TMEM132B: variants seen among roughly 807,000 people sequenced by gnomAD.
TMEM132B encodes the protein transmembrane protein 132B.
Under a neutral mutation model 90.8 loss-of-function variants are expected in TMEM132B, and 18 were observed. The observed-to-expected ratio is 0.20, with a 90% confidence interval of 0.14 to 0.29. TMEM132B has a LOEUF of 0.29. Among genes scored for constraint, TMEM132B ranks in the 10% least tolerant of loss-of-function variants. The pLI is 1.00. For missense variants in TMEM132B, 1,096 were observed against 1,326.8 expected (o/e 0.83, Z 2.70); for synonymous variants, 504 against 523.3 (o/e 0.96, Z 0.50).
chr12:125,317,796 T>C (rs1876324778), intron 1 of TMEM132B, among the ~76,000 whole-genome samples: 1 of 152,172 alleles, frequency 6.6e-6, no homozygotes, highest in South Asian at 2.1e-4. Flanking sequence ...CTCTCAGTGG[T>C]TCTCTTCATC....
At chr12:125,189,222 C>T (rs1246304302) in intron 1 of TMEM132B, among the ~76,000 whole-genome samples, 1 of 152,172 alleles carries the variant, frequency 6.6e-6, no homozygotes, top group Non-Finnish European at 1.5e-5. Context: ...AGCACAAATC[C>T]CCCAGCTTAG....
chr12:125,610,459 G>A (rs1213099066), intron 5 of TMEM132B, among the ~76,000 whole-genome samples: 1 of 152,096 alleles, frequency 6.6e-6, no homozygotes, highest in Admixed American at 6.6e-5. Flanking sequence ...ACATGGACTG[G>A]TTGTATATTT....
intron 1 of TMEM132B, among the ~76,000 whole-genome samples, chr12:125,225,824 A>G (rs1275353355): frequency 6.6e-6 from 1 of 152,174 alleles, no homozygotes. Flanking sequence ...CTTGCGTTCC[A>G]TTAATTCAGG....
intron 1 of TMEM132B, among the ~76,000 whole-genome samples, chr12:125,197,147 C>CTCCTCCCACCCT (rs1872942540): frequency 1.3e-5 from 2 of 151,972 alleles, no homozygotes; most frequent in Admixed American, 6.5e-5. Context: ...GATTCTCTCC[C>CTCCTCCCACCCT]GCCTCCCACC....
chr12:125,617,421 C>T (rs1886014883), intron 5 of TMEM132B, among the ~76,000 whole-genome samples: 1 of 151,496 alleles, frequency 6.6e-6, no homozygotes, highest in African/African-American at 2.4e-5. Flanking sequence ...TCTCGGCTCA[C>T]CACAACCTCC....
intron 4 of TMEM132B, among the ~76,000 whole-genome samples, chr12:125,579,602 T>A (rs570216666): frequency 1.3e-5 from 2 of 152,228 alleles, no homozygotes; most frequent in Non-Finnish European, 2.9e-5. Context: ...GACCTCATGA[T>A]CTACCTGTGT....
chr12:125,344,249 T>G (rs1220314401), intron 1 of TMEM132B, among the ~76,000 whole-genome samples: 4 of 152,166 alleles, frequency 2.6e-5, no homozygotes, highest in Non-Finnish European at 5.9e-5. Context: ...GGAAAACAAA[T>G]CACTCTAGTT....
intron 5 of TMEM132B, among the ~76,000 whole-genome samples, chr12:125,606,220 A>T (rs778025894): frequency 6.6e-6 from 1 of 152,190 alleles, no homozygotes; most frequent in South Asian, 2.1e-4. Context: ...ATGACTCTCC[A>T]TGAGTTAAAA....
intron 2 of TMEM132B, among the ~76,000 whole-genome samples, chr12:125,382,525 G>A (rs1314432622): frequency 6.6e-6 from 1 of 152,136 alleles, no homozygotes; most frequent in Admixed American, 6.5e-5. Flanking sequence ...TTATGACCTT[G>A]CTTGAGCCAC....
Position 125,654,425 on chromosome 12 carries a change from T to G in TMEM132B, c.2967T>G (p.Leu989=). ...TGCAGTTCGAGGAGAGGAACTTCCT[T>G]CTGAATGGCAGTTCCCAGAAGACTT... is the stretch of plus-strand genomic sequence containing the variant. ...RGLQFEERNF[L]LNGSSQKTFH... Residue 989 remains leucine (L), a synonymous_variant, in exon 9 of 9, where the codon CTT becomes CTG. Coordinates refer to ENST00000682704, the MANE Select transcript of TMEM132B (RefSeq NM_001366854.1). The surrounding 1 kb of genome is among the most constrained non-coding windows in gnomAD (Gnocchi z 5.8). 1 of 1,613,582 alleles carries G rather than the reference T, an allele frequency of 6.2e-7. No homozygotes were observed. The highest frequency in any genetic ancestry group is 1.3e-5 in the African/African-American group (1 of 75,026).
At chr12:125,207,786 T>C (rs1873217264) in intron 1 of TMEM132B, among the ~76,000 whole-genome samples, 1 of 152,236 alleles carries the variant, frequency 6.6e-6, no homozygotes, top group Admixed American at 6.5e-5. Flanking sequence ...TCTGTCTCTA[T>C]TCATTTGAAT....
intron 2 of TMEM132B, among the ~76,000 whole-genome samples, chr12:125,404,804 CA>C (rs1879418698): frequency 6.6e-6 from 1 of 152,152 alleles, no homozygotes. Context: ...TGGGTGTATC[CA>C]GCTCTGCTAG....
intron 2 of TMEM132B, among the ~76,000 whole-genome samples, chr12:125,378,759 C>T (rs1266672554): frequency 6.6e-6 from 1 of 152,060 alleles, no homozygotes; most frequent in East Asian, 1.9e-4. Flanking sequence ...CATTTCTGTC[C>T]CCACTCCTGC....
chr12:125,230,921 G>A (rs1241207241), intron 1 of TMEM132B, among the ~76,000 whole-genome samples: 3 of 152,114 alleles, frequency 2.0e-5, no homozygotes, highest in Non-Finnish European at 4.4e-5. Context: ...CCATACTGTT[G>A]TTTACACCAC....
Position 125,493,180 on chromosome 12 carries a change from T to C in TMEM132B, c.1107-26259T>C, listed in dbSNP as rs141633332. Among the ~76,000 whole-genome samples, 1,219 of 152,330 alleles carry C rather than the reference T, an allele frequency of 8.0e-3. 13 individuals carry two copies. Among genetic ancestry groups the C allele is most frequent in the African/African-American group, 0.027 (1,139 of 41,582 alleles). ...TCCACAATGCTGCTTGCTGGAGCCA[T>C]GGCCAGACTGCTGGGAGCACTTTGA... On this transcript the variant is annotated intron_variant, in intron 3 of 8. Coordinates refer to ENST00000682704, the MANE Select transcript of TMEM132B (RefSeq NM_001366854.1).
chr12:125,434,621 C>T (rs1261306835), intron 3 of TMEM132B, among the ~76,000 whole-genome samples: 1 of 152,202 alleles, frequency 6.6e-6, no homozygotes, highest in East Asian at 1.9e-4. Flanking sequence ...ACAGGAGGCG[C>T]CGGCTGTGGT....
At chr12:125,559,880 G>C (rs920711574) in intron 4 of TMEM132B, among the ~76,000 whole-genome samples, 2 of 152,114 alleles carry the variant, frequency 1.3e-5, no homozygotes, top group African/African-American at 4.8e-5. Context: ...TCCTTGTTCC[G>C]AGTCCACCTG....
intron 4 of TMEM132B, among the ~76,000 whole-genome samples, 184 bp downstream of exon 4, chr12:125,519,809 T>G (rs1334309659): frequency 1.3e-5 from 2 of 152,246 alleles, no homozygotes; most frequent in Non-Finnish European, 2.9e-5. Context: ...AGGTCTACCA[T>G]GTAAATCCCT....
At chr12:125,612,710 T>C (rs1885866226) in intron 5 of TMEM132B, among the ~76,000 whole-genome samples, 1 of 143,782 alleles carries the variant, frequency 7.0e-6, no homozygotes, top group African/African-American at 2.5e-5. Flanking sequence ...GTAGCCACTC[T>C]GGCTTTCTTA....
Sources: gnomAD v4.1 joint callset for allele counts (sites outside exome capture counted in the v4.1 genomes callset) on GRCh38, gnomAD v4.1.1 for gene constraint, Gnocchi (gnomAD v3.1) non-coding constraint, MANE v1.5 for transcripts, NCBI Gene and HGNC (gene_info 2026-07-23, HGNC 2026-07-21) for gene names.